NPAS3: variants seen among roughly 807,000 people sequenced by gnomAD.
NPAS3 encodes neuronal PAS domain protein 3.
A neutral mutation model predicts 73.1 loss-of-function variants in NPAS3; 14 were observed. The observed-to-expected ratio is 0.19, with a 90% CI of 0.13 to 0.30. NPAS3 has a LOEUF of 0.30. Ranked by LOEUF, NPAS3 falls within the 10% of genes least tolerant of loss-of-function variation. NPAS3 has a pLI of 1.00. For synonymous variants in NPAS3, 620 were observed against 541.5 expected (o/e 1.14, Z -2.01); for missense variants, 1,096 against 1,250.0 (o/e 0.88, Z 1.86).
chr14:33,186,392 T>G (rs2045975797), intron 2 of NPAS3, among the ~76,000 whole-genome samples: 2 of 152,228 alleles, frequency 1.3e-5, no homozygotes, highest in South Asian at 4.1e-4. Flanking sequence ...AACTTAAGTA[T>G]TTTTTAAAGT....
intron 1 of NPAS3, among the ~76,000 whole-genome samples, chr14:32,958,988 A>G (rs962248063): frequency 4.4e-5 from 6 of 135,756 alleles, no homozygotes; most frequent in Admixed American, 2.1e-4. Context: ...GGCCACACAT[A>G]AAATACACTA....
At chr14:33,001,765 G>A (rs777435594) in intron 1 of NPAS3, among the ~76,000 whole-genome samples, 19 of 152,150 alleles carry the variant, frequency 1.2e-4, no homozygotes, top group Non-Finnish European at 1.9e-4. Context: ...ACTCCACCCC[G>A]AATATTGCTG....
At chr14:33,502,793 T>A (rs1163246733) in intron 4 of NPAS3, among the ~76,000 whole-genome samples, 1 of 151,988 alleles carries the variant, frequency 6.6e-6, no homozygotes, top group Non-Finnish European at 1.5e-5. Context: ...AATAACTTAC[T>A]GCAAGCTGTC....
chr14:33,120,304 G>T (rs2043192527), intron 2 of NPAS3, among the ~76,000 whole-genome samples: 3 of 152,064 alleles, frequency 2.0e-5, no homozygotes, highest in African/African-American at 7.2e-5. Flanking sequence ...ATCTGAAAAT[G>T]AACTTTGATA....
intron 4 of NPAS3, among the ~76,000 whole-genome samples, chr14:33,446,792 T>G (rs1566911204): frequency 6.6e-6 from 1 of 152,252 alleles, no homozygotes; most frequent in African/African-American, 2.4e-5. Flanking sequence ...GAGAACAAAA[T>G]CTATTAAGTA....
rs1267797303 is a variant in NPAS3 at position 32,964,977 on chromosome 14, CA to C, written c.50+25616del. ...AGAGCAAGACCCTGTCTCTGAAACA[CA>C]AAAAGAAAGAAATGGTAGCAAAACA... is the stretch of plus-strand genomic sequence containing the variant. On this transcript the variant is annotated intron_variant, in intron 1 of 11. Coordinates refer to ENST00000356141, the Ensembl canonical transcript of NPAS3. Among the ~76,000 whole-genome samples, 4 of 151,706 alleles carry C rather than the reference CA, an allele frequency of 2.6e-5. No individual in the cohort carries two copies. The South Asian group carries it at 6.2e-4, about 24-fold the overall frequency.
intron 2 of NPAS3, among the ~76,000 whole-genome samples, chr14:33,105,760 A>C (rs2042705726): frequency 6.6e-6 from 1 of 152,118 alleles, no homozygotes; most frequent in African/African-American, 2.4e-5. Flanking sequence ...ATTTAGGAAA[A>C]AAAAAGATCA....
intron 2 of NPAS3, among the ~76,000 whole-genome samples, chr14:33,113,047 C>A (rs1381017328): frequency 6.6e-6 from 1 of 152,138 alleles, no homozygotes; most frequent in Non-Finnish European, 1.5e-5. Context: ...GGTACCAGTA[C>A]CATGCTGTTT....
At chr14:33,549,682 T>A (rs772812319) in intron 4 of NPAS3, among the ~76,000 whole-genome samples, 46 of 152,204 alleles carry the variant, frequency 3.0e-4, no homozygotes, top group Admixed American at 1.3e-4. Context: ...GTTACATTCC[T>A]TGCCTTATTC....
chr14:33,526,365 C>A (rs8021255), intron 4 of NPAS3, among the ~76,000 whole-genome samples: 49,143 of 151,146 alleles, frequency 0.33, 8,160 homozygotes, highest in African/African-American at 0.41. Flanking sequence ...TATAGGCTCT[C>A]CAGCCATTTG....
chr14:33,771,753 G>A (rs1466707639), intron 7 of NPAS3, among the ~76,000 whole-genome samples: 1 of 152,128 alleles, frequency 6.6e-6, no homozygotes, highest in African/African-American at 2.4e-5. Context: ...AGAGCTTGCA[G>A]TGAGCCGAGA....
chr14:33,373,902 A>C (rs960098285), intron 4 of NPAS3, among the ~76,000 whole-genome samples: 1 of 152,178 alleles, frequency 6.6e-6, no homozygotes, highest in African/African-American at 2.4e-5. Context: ...GTGGATCAGA[A>C]AAGGCTAGGT....
At chr14:33,596,092 T>G (rs1481540146) in intron 5 of NPAS3, among the ~76,000 whole-genome samples, 1 of 152,244 alleles carries the variant, frequency 6.6e-6, no homozygotes, top group African/African-American at 2.4e-5. Context: ...AACAAGGAAG[T>G]GTACGTGAAA....
At chr14:33,144,702 C>T (rs972796010) in intron 2 of NPAS3, among the ~76,000 whole-genome samples, 1 of 152,144 alleles carries the variant, frequency 6.6e-6, no homozygotes, top group Non-Finnish European at 1.5e-5. Context: ...CCAAAACACC[C>T]AGCTAATTTA....
chr14:33,458,732 T>C (rs1435693462), intron 4 of NPAS3, among the ~76,000 whole-genome samples: 1 of 152,232 alleles, frequency 6.6e-6, no homozygotes, highest in Non-Finnish European at 1.5e-5. Context: ...CTAGTCATTG[T>C]GGCCAATTCA....
At chr14:33,086,179 C>T (rs942630969) in intron 2 of NPAS3, among the ~76,000 whole-genome samples, 37 of 152,064 alleles carry the variant, frequency 2.4e-4, no homozygotes, top group African/African-American at 8.7e-4. Context: ...ATTTAGTTGA[C>T]TGCGTAAGTT....
At chr14:33,456,545 A>C (rs2050031633) in intron 4 of NPAS3, among the ~76,000 whole-genome samples, 1 of 152,160 alleles carries the variant, frequency 6.6e-6, no homozygotes. Context: ...CCAGTCCTCA[A>C]CTCTGTGAAG....
intron 1 of NPAS3, among the ~76,000 whole-genome samples, chr14:32,950,983 A>G (rs929182620): frequency 6.6e-6 from 1 of 152,110 alleles, no homozygotes; most frequent in African/African-American, 2.4e-5. Flanking sequence ...TCAGTAATAA[A>G]TGTGTACTTA....
At chr14:33,145,667 C>T (rs1016052921) in intron 2 of NPAS3, among the ~76,000 whole-genome samples, 1 of 152,152 alleles carries the variant, frequency 6.6e-6, no homozygotes, top group Non-Finnish European at 1.5e-5. Context: ...ATTTTCTGCA[C>T]TGCCCATGAT....
Sources: gnomAD v4.1 joint callset for allele counts (sites outside exome capture counted in the v4.1 genomes callset) on GRCh38, gnomAD v4.1.1 for gene constraint, MANE v1.5 for transcripts, NCBI Gene and HGNC (gene_info 2026-07-23, HGNC 2026-07-21) for gene names.